Variants in ATP2B4 observed in about 807,000 individuals in gnomAD.
ATP2B4 encodes the protein ATPase plasma membrane Ca2+ transporting 4.
Under a neutral mutation model 110.3 loss-of-function variants are expected in ATP2B4, and 39 were observed. The ratio of observed to expected loss-of-function variants is 0.35; its 90% CI spans 0.27 to 0.46. ATP2B4 has a LOEUF of 0.46. ATP2B4 is among the 20% of genes least tolerant of loss of function. The pLI, the probability that ATP2B4 is intolerant of heterozygous loss-of-function variation, is 1.00. For missense variants in ATP2B4, 1,135 were observed against 1,530.9 expected, an observed-to-expected ratio of 0.74 and a Z score of 4.32; for synonymous variants, 538 against 571.7, an observed-to-expected ratio of 0.94 and a Z score of 0.84.
chr1:203,714,290 C>T lies in ATP2B4; in HGVS notation c.2406+13C>T. 2.5e-6 allele frequency: 4 copies of T among 1,613,784 alleles called. No individual in the cohort carries two copies. The highest frequency in any genetic ancestry group is 3.4e-6 in the Non-Finnish European group (4 of 1,179,818). ...TGGTTTTGCCATGGTAAGCTCAGCA[C>T]AGTGTCTCTCTGATTGCAAGCTGCC... On this transcript the variant is annotated intron_variant, in intron 15 of 20. Transcript: ENST00000357681.
intron 1 of ATP2B4, among the ~76,000 whole-genome samples, chr1:203,632,916 G>GT (rs200092218): frequency 0.016 from 2,461 of 152,206 alleles, 66 homozygotes; most frequent in African/African-American, 0.057. Flanking sequence ...ATCTTTCGGG[G>GT]TTTTTTTGTA....
chr1:203,698,433 C>A, intron 3 of ATP2B4, 79 bp downstream of exon 3: 1 of 1,459,972 alleles, frequency 6.8e-7, no homozygotes. Flanking sequence ...GTATTGGTGG[C>A]TGACAGGTTA....
chr1:203,728,843 G>A (rs1402493922), intron 20 of ATP2B4, among the ~76,000 whole-genome samples: 3 of 139,704 alleles, frequency 2.1e-5, no homozygotes, highest in Non-Finnish European at 3.1e-5. Flanking sequence ...GCCAACGAGA[G>A]CTAAACTCTG....
chr1:203,725,354 G>A (rs1666478124), intron 19 of ATP2B4, among the ~76,000 whole-genome samples: 1 of 152,084 alleles, frequency 6.6e-6, no homozygotes, highest in Non-Finnish European at 1.5e-5. Flanking sequence ...TCACCATGTT[G>A]GCTAGGCTGG....
intron 1 of ATP2B4, among the ~76,000 whole-genome samples, chr1:203,662,652 C>T (rs1221630209): frequency 6.6e-6 from 1 of 152,220 alleles, no homozygotes; most frequent in Non-Finnish European, 1.5e-5. Context: ...AACATCCTTC[C>T]TTGAATAATA....
intron 1 of ATP2B4, among the ~76,000 whole-genome samples, chr1:203,632,573 G>A (rs1340763303): frequency 4.0e-5 from 6 of 151,410 alleles, no homozygotes; most frequent in African/African-American, 1.2e-4. Context: ...TCGATCTCCC[G>A]ACCTCATGAT....
intron 19 of ATP2B4, 91 bp from the exon 20 acceptor site, chr1:203,727,304 A>C: frequency 6.1e-6 from 9 of 1,469,556 alleles, no homozygotes; most frequent in East Asian, 2.3e-5. Context: ...GGCAAAGAGT[A>C]ACCTGCCCAA....
intron 20 of ATP2B4, among the ~76,000 whole-genome samples, chr1:203,731,869 A>G (rs1666728350): frequency 6.8e-6 from 1 of 147,504 alleles, no homozygotes; most frequent in African/African-American, 2.5e-5. Context: ...AAAAAAAAAA[A>G]AGGAAGGAGG....
intron 20 of ATP2B4, among the ~76,000 whole-genome samples, chr1:203,734,128 C>T (rs1445354689): frequency 2.0e-5 from 3 of 151,706 alleles, no homozygotes; most frequent in Non-Finnish European, 4.4e-5. Flanking sequence ...GGTGAAACCC[C>T]GTCTCTACTA....
chr1:203,695,755 C>T (rs1168650839), intron 2 of ATP2B4, among the ~76,000 whole-genome samples: 1 of 141,722 alleles, frequency 7.1e-6, no homozygotes, highest in Non-Finnish European at 1.5e-5. Flanking sequence ...AGATGAGTAT[C>T]TTATGTATGT....
At chr1:203,679,181 A>T (rs1193002582) in intron 1 of ATP2B4, among the ~76,000 whole-genome samples, 1 of 152,024 alleles carries the variant, frequency 6.6e-6, no homozygotes, top group Admixed American at 6.6e-5. Flanking sequence ...GTGTCTGAGC[A>T]GTTCATTTGA....
At chr1:203,651,005 G>A (rs1197008998) in intron 1 of ATP2B4, among the ~76,000 whole-genome samples, 1 of 152,074 alleles carries the variant, frequency 6.6e-6, no homozygotes, top group African/African-American at 2.4e-5. Flanking sequence ...TAATTCCTGG[G>A]CTCTAGTGAT....
rs1665942013 is a variant in ATP2B4 at position 203,709,459 on chromosome 1, C to G, written c.1716C>G (p.Arg572=). The change falls in exon 11 of 21, where the codon CGC becomes CGG. Residue 572 remains arginine, a synonymous_variant. Coordinates refer to ENST00000357681, the MANE Select transcript of ATP2B4 (RefSeq NM_001684.5). ...AGGTGTACACCTTTAACTCAGTGCG[C>G]AAGTCAATGAGCACCGTCATCAGGA... ...LYKVYTFNSV[R]KSMSTVIRNP... The G allele has an allele frequency of 6.2e-7, 1 of 1,614,190 alleles. No individual in the cohort carries two copies. The highest frequency in any genetic ancestry group is 8.5e-7 in the Non-Finnish European group (1 of 1,180,038).
chr1:203,717,087 A>G (rs1666177086), intron 15 of ATP2B4, among the ~76,000 whole-genome samples: 1 of 149,664 alleles, frequency 6.7e-6, no homozygotes, highest in Non-Finnish European at 1.5e-5. Context: ...AATCCCAGCT[A>G]CTTGGGAGGC....
At position 203,742,393 on chromosome 1, in the gene ATP2B4, CAT is replaced by C. The variant is rs1355297713; in HGVS notation, c.*2542_*2543del. On this transcript the variant is annotated 3_prime_UTR_variant, in exon 21 of 21. Transcript: ENST00000357681. ...TTAGGTAAGTTTAAGTGTCTATGTG[CAT>C]ATGTTTTTTATATAAGTTTTTTCTA... is the stretch of plus-strand genomic sequence containing the variant. 6.6e-6 allele frequency: 1 copy of C among 152,556 alleles called. No individual in the cohort carries two copies. The highest frequency in any genetic ancestry group is 2.4e-5 in the African/African-American group (1 of 41,438). The allele number at this position is 152,556 out of a possible 1,614,324, so 9.5% of individuals were successfully genotyped here.
At chr1:203,657,770 C>T (rs947828263) in intron 1 of ATP2B4, 30 of 646,818 alleles carry the variant, frequency 4.6e-5, no homozygotes, top group East Asian at 2.5e-4. Context: ...TGGTGACAGG[C>T]GCAGAACCAC....
At chr1:203,655,512 G>T (rs1450074888) in intron 1 of ATP2B4, among the ~76,000 whole-genome samples, 1 of 152,042 alleles carries the variant, frequency 6.6e-6, no homozygotes, top group African/African-American at 2.4e-5. Context: ...CAGGTGTGGT[G>T]GTGCGTTCCT....
chr1:203,711,430 C>T (rs111494924), intron 12 of ATP2B4, among the ~76,000 whole-genome samples: 207 of 152,182 alleles, frequency 1.4e-3, no homozygotes, highest in African/African-American at 4.8e-3. Flanking sequence ...TTTTTGAGTA[C>T]CTGCTGTGTG....
Position 203,683,203 on chromosome 1 carries a change from A to C in ATP2B4, c.-3A>C. 1.2e-6 allele frequency: 2 copies of C among 1,612,674 alleles called. No individual in the cohort carries two copies. The highest frequency in any genetic ancestry group is 1.7e-6 in the Non-Finnish European group (2 of 1,179,088). On this transcript the variant is annotated 5_prime_UTR_variant, in exon 2 of 21. Transcript: ENST00000357681. The stretch of plus-strand genomic sequence containing the variant: ...GTTGAGGGGCTTGGTAACAGCAGGC[A>C]AAATGACGAACCCATCAGACCGTGT...
Sources: allele counts gnomAD v4.1 joint callset (sites outside exome capture counted in the v4.1 genomes callset), GRCh38; gene constraint gnomAD v4.1.1; transcripts MANE v1.5; gene names NCBI Gene and HGNC (gene_info 2026-07-23, HGNC 2026-07-21).